Variants in ITPR2 observed in about 807,000 individuals in gnomAD.
The protein encoded by ITPR2 is inositol 1,4,5-trisphosphate receptor type 2, also known as inositol 1,4,5-trisphosphate-gated calcium channel ITPR2.
A neutral mutation model predicts 317.1 loss-of-function variants in ITPR2; 207 were observed. The ratio of observed to expected loss-of-function variants is 0.65; its 90% confidence interval spans 0.58 to 0.73. ITPR2 has a LOEUF of 0.73. Ranked by LOEUF, ITPR2 falls within the 30% of genes least tolerant of loss-of-function variation. The probability of loss-of-function intolerance (pLI) is 0.00; values close to 1 mark genes in which losing one functional copy is unlikely to be tolerated. For synonymous variants in ITPR2, 1,156 were observed against 1,149.1 expected (o/e 1.01, Z -0.12); for missense variants, 2,613 against 3,284.0 (o/e 0.80, Z 4.99).
chr12:26,671,520 G>C (rs997898342), intron 13 of ITPR2, among the ~76,000 whole-genome samples: 2 of 152,094 alleles, frequency 1.3e-5, no homozygotes, highest in African/African-American at 4.8e-5. Flanking sequence ...GTCACCACCA[G>C]GCCTGCCCTA....
At chr12:26,372,712 T>C (rs1939221624) in intron 55 of ITPR2, among the ~76,000 whole-genome samples, 1 of 152,222 alleles carries the variant, frequency 6.6e-6, no homozygotes, top group Non-Finnish European at 1.5e-5. Flanking sequence ...ATCACCCCAA[T>C]AAAATGGGTT....
At chr12:26,639,157 A>C (rs1190032504) in intron 21 of ITPR2, among the ~76,000 whole-genome samples, 2 of 152,194 alleles carry the variant, frequency 1.3e-5, no homozygotes, top group African/African-American at 2.4e-5. Context: ...GTGATGTGCT[A>C]GCCATTTTCA....
intron 32 of ITPR2, among the ~76,000 whole-genome samples, chr12:26,581,307 C>T (rs142028460): frequency 1.5e-3 from 229 of 152,184 alleles, no homozygotes; most frequent in African/African-American, 5.2e-3. Context: ...CAAATGGAGG[C>T]GGGAGAAAGA....
At chr12:26,658,630 C>T (rs1947427115) in intron 16 of ITPR2, among the ~76,000 whole-genome samples, 1 of 152,344 alleles carries the variant, frequency 6.6e-6, no homozygotes, top group South Asian at 2.1e-4. Context: ...CTTGTCTGCA[C>T]TCATTTCTTC....
At chr12:26,465,508 GT>G (rs1264591706) in intron 45 of ITPR2, among the ~76,000 whole-genome samples, 5 of 152,264 alleles carry the variant, frequency 3.3e-5, no homozygotes, top group South Asian at 2.1e-4. Context: ...TGGGCTAGAG[GT>G]TTTTTTAAAG....
At chr12:26,727,002 G>GA (rs1455228114) in intron 2 of ITPR2, among the ~76,000 whole-genome samples, 1 of 152,026 alleles carries the variant, frequency 6.6e-6, no homozygotes, top group Non-Finnish European at 1.5e-5. Context: ...ATATGGATAA[G>GA]TAAATATCTC....
At chr12:26,351,091 G>A (rs750804884) in intron 55 of ITPR2, among the ~76,000 whole-genome samples, 2 of 152,190 alleles carry the variant, frequency 1.3e-5, no homozygotes, top group Non-Finnish European at 2.9e-5. Context: ...GGCAGTAACC[G>A]GGAACATGAA....
At chr12:26,582,092 T>TTTTTGTGGA (rs1355677382) in intron 32 of ITPR2, among the ~76,000 whole-genome samples, 2 of 152,184 alleles carry the variant, frequency 1.3e-5, no homozygotes, top group Non-Finnish European at 2.9e-5. Flanking sequence ...TGGAACCTAG[T>TTTTTGTGGA]CCTCAGTTCA....
At chr12:26,414,047 ATGT>A (rs1242857053) in intron 51 of ITPR2, among the ~76,000 whole-genome samples, 14,647 of 130,140 alleles carry the variant, frequency 0.11, 988 homozygotes, top group Non-Finnish European at 0.16. Context: ...ACATGTATAT[ATGT>A]ACACACACAC....
chr12:26,551,250 A>G (rs566720877), intron 36 of ITPR2, among the ~76,000 whole-genome samples: 51 of 152,300 alleles, frequency 3.3e-4, no homozygotes, highest in African/African-American at 1.2e-3. Flanking sequence ...AATGGCTACC[A>G]AGTGCTTATC....
rs75061107 is a variant in ITPR2, at chr12:26,551,995, C to T, written c.4965-1640G>A. ...GTGAGAAAGAGACCAATGATGGCAG[C>T]GGGAAAGATGAAGCAGAGGAGACGG... On this transcript the variant is annotated intron_variant, in intron 36 of 56. Coordinates refer to ENST00000381340, the MANE Select transcript of ITPR2 (RefSeq NM_002223.4). 9.2e-3 allele frequency among the ~76,000 whole-genome samples: 1,394 copies of T among 152,122 alleles called. 21 individuals carry two copies. The highest frequency in any genetic ancestry group is 0.032 in the African/African-American group (1,339 of 41,512).
intron 26 of ITPR2, among the ~76,000 whole-genome samples, chr12:26,613,557 T>C (rs1390802797): frequency 9.0e-6 from 1 of 111,594 alleles, no homozygotes; most frequent in Non-Finnish European, 1.9e-5. Context: ...TGCTATATCA[T>C]ACACAGACAC....
intron 45 of ITPR2, among the ~76,000 whole-genome samples, chr12:26,450,830 C>T (rs1360009815): frequency 6.6e-6 from 1 of 151,826 alleles, no homozygotes; most frequent in Admixed American, 6.6e-5. Context: ...GGGTTGAGAA[C>T]CTTAGAGTGG....
intron 52 of ITPR2, among the ~76,000 whole-genome samples, chr12:26,402,052 G>C (rs193036471): frequency 6.6e-6 from 1 of 152,284 alleles, no homozygotes; most frequent in East Asian, 1.9e-4. Flanking sequence ...ATAGGGAAGA[G>C]GTAGGGCCTG....
In ITPR2 at chr12:26,348,328, T is replaced by C. The variant is rs557430606; in HGVS notation, c.7858-8000A>G. Among the ~76,000 whole-genome samples, 33 of 152,252 alleles carry C rather than the reference T, an allele frequency of 2.2e-4. 1 individual carries two copies. The highest frequency in any genetic ancestry group is 7.7e-4 in the African/African-American group (32 of 41,534). On this transcript the variant is annotated intron_variant, in intron 55 of 56. Transcript: ENST00000381340. ...CTGGAACAAGAATTAATCATTTGGT[T>C]ATGGGGCGTGGTTATGGGGGCGTGT...
chr12:26,749,006 T>C (rs1338520089), intron 2 of ITPR2, among the ~76,000 whole-genome samples: 1 of 152,230 alleles, frequency 6.6e-6, no homozygotes, highest in African/African-American at 2.4e-5. Context: ...CTTTTATGTA[T>C]GTGTTAAATG....
intron 1 of ITPR2, among the ~76,000 whole-genome samples, chr12:26,827,029 T>C (rs1229371033): frequency 6.6e-6 from 1 of 152,144 alleles, no homozygotes; most frequent in African/African-American, 2.4e-5. Context: ...CAACACTACA[T>C]TTGAAAGTGG....
chr12:26,633,659 T>C (rs1946801116), intron 21 of ITPR2, among the ~76,000 whole-genome samples: 1 of 152,208 alleles, frequency 6.6e-6, no homozygotes. Flanking sequence ...ATCATAGCAA[T>C]TGAGTATTTC....
intron 55 of ITPR2, among the ~76,000 whole-genome samples, chr12:26,376,696 C>CT (rs923796822): frequency 3.3e-5 from 5 of 149,550 alleles, no homozygotes; most frequent in Admixed American, 6.7e-5. Context: ...TCAATTCTTT[C>CT]TTTTTTTTTC....
Sources: allele counts gnomAD v4.1 joint callset (sites outside exome capture counted in the v4.1 genomes callset), GRCh38; gene constraint gnomAD v4.1.1; transcripts MANE v1.5; gene names NCBI Gene and HGNC (gene_info 2026-07-23, HGNC 2026-07-21).